Variants in ADAMTSL1 observed in about 807,000 individuals in gnomAD.
The protein encoded by ADAMTSL1 is ADAMTS like 1, also known as ADAMTS-like protein 1.
A neutral mutation model predicts 201.8 loss-of-function variants in ADAMTSL1; 126 were observed. The observed-to-expected ratio is 0.62, with a 90% CI of 0.54 to 0.72. The LOEUF (loss-of-function observed/expected upper bound fraction) is 0.72, where lower values mean the gene tolerates loss of function less well. ADAMTSL1 is among the 30% of genes least tolerant of loss of function. The pLI, the probability that ADAMTSL1 is intolerant of heterozygous loss-of-function variation, is 0.00. For missense variants in ADAMTSL1, 2,679 were observed against 2,277.8 expected (o/e 1.18, Z -3.59); for synonymous variants, 1,121 against 903.4 (o/e 1.24, Z -4.32).
intron 4 of ADAMTSL1, among the ~76,000 whole-genome samples, chr9:18,589,160 A>C (rs959446511): frequency 3.3e-5 from 5 of 151,936 alleles, no homozygotes; most frequent in African/African-American, 1.2e-4. Flanking sequence ...TACAGGCATG[A>C]GTTGCCACAC....
intron 2 of ADAMTSL1, among the ~76,000 whole-genome samples, chr9:18,264,936 G>C (rs538017566): frequency 2.0e-5 from 3 of 152,210 alleles, no homozygotes; most frequent in Admixed American, 6.5e-5. Context: ...CATAAATAAT[G>C]ATAGTATGTT....
intron 1 of ADAMTSL1, among the ~76,000 whole-genome samples, chr9:17,996,240 A>C (rs12006356): frequency 0.5 from 75,282 of 151,360 alleles, 21,546 homozygotes; most frequent in African/African-American, 0.8. Flanking sequence ...ACCTCCTGCC[A>C]CCAAGCCTTC....
At chr9:18,892,297 G>A in intron 25 of ADAMTSL1, 92 bp from the exon 26 acceptor site, 1 of 1,311,842 alleles carries the variant, frequency 7.6e-7, no homozygotes, top group Non-Finnish European at 1.0e-6. Flanking sequence ...CCCCAAATTA[G>A]TGGCAAGAGC....
intron 2 of ADAMTSL1, among the ~76,000 whole-genome samples, chr9:18,340,175 C>G (rs1297184153): frequency 6.6e-6 from 1 of 152,154 alleles, no homozygotes; most frequent in Non-Finnish European, 1.5e-5. Context: ...TAGCTTTATT[C>G]TGTCTGGTTG....
At chr9:18,162,505 A>G (rs1168154433) in intron 1 of ADAMTSL1, among the ~76,000 whole-genome samples, 6 of 152,010 alleles carry the variant, frequency 3.9e-5, no homozygotes, top group Non-Finnish European at 8.8e-5. Context: ...CATATTGACT[A>G]TTCTGTATAA....
At chr9:18,815,869 T>C (rs941149557) in intron 20 of ADAMTSL1, among the ~76,000 whole-genome samples, 5 of 152,166 alleles carry the variant, frequency 3.3e-5, no homozygotes, top group Non-Finnish European at 4.4e-5. Context: ...AATTTTTTCA[T>C]TGACACATAA....
chr9:18,814,013 G>C (rs1263141110), intron 20 of ADAMTSL1, among the ~76,000 whole-genome samples: 1 of 152,148 alleles, frequency 6.6e-6, no homozygotes, highest in Admixed American at 6.5e-5. Flanking sequence ...TTTTTATCAT[G>C]AATGGATGTT....
chr9:18,202,939 A>G (rs187684125), intron 2 of ADAMTSL1, among the ~76,000 whole-genome samples: 12 of 152,246 alleles, frequency 7.9e-5, no homozygotes, highest in Admixed American at 7.2e-4. Flanking sequence ...AGTTAGCTGT[A>G]ACCAGGGATG....
At chr9:18,613,817 A>G (rs1207670807) in intron 4 of ADAMTSL1, among the ~76,000 whole-genome samples, 1 of 152,128 alleles carries the variant, frequency 6.6e-6, no homozygotes, top group Non-Finnish European at 1.5e-5. Flanking sequence ...AATCTGTACA[A>G]TATAGCCCAC....
At position 18,504,941 on chromosome 9, in the gene ADAMTSL1, G is replaced by T; in HGVS notation, c.176G>T (p.Arg59Leu). The T allele has an allele frequency of 6.2e-7, 1 of 1,608,732 alleles. No homozygotes were observed. ...GGTGGGGCCTCCTACTCTCTGAGGC[G>T]CTGCCTGAGCAGCAAGTAAGTCCTG... ...CGGGASYSLR[R>L]CLSSKSCEGR... Residue 59 changes from arginine (R) to leucine (L), a missense_variant, in exon 2 of 29, where the codon CGC (arginine) becomes CTC (leucine). Coordinates refer to ENST00000380548, the MANE Select transcript of ADAMTSL1 (RefSeq NM_001040272.6).
chr9:18,109,824 G>A (rs17189807), intron 1 of ADAMTSL1, among the ~76,000 whole-genome samples: 8,854 of 152,224 alleles, frequency 0.058, 282 homozygotes, highest in Middle Eastern at 0.075. Context: ...ATCTATGTGG[G>A]AGTAACCTGT....
At chr9:18,580,683 G>A (rs748460427) in intron 4 of ADAMTSL1, among the ~76,000 whole-genome samples, 2 of 152,064 alleles carry the variant, frequency 1.3e-5, no homozygotes, top group East Asian at 3.9e-4. Flanking sequence ...CTTTCCATAG[G>A]AGTGATACAT....
intron 2 of ADAMTSL1, among the ~76,000 whole-genome samples, chr9:18,439,163 T>C (rs1450843227): frequency 2.6e-5 from 4 of 152,190 alleles, no homozygotes; most frequent in East Asian, 1.9e-4. Context: ...GTGTCCTGCA[T>C]TGGCAAATTC....
At chr9:18,396,653 C>T (rs1057179761) in intron 2 of ADAMTSL1, among the ~76,000 whole-genome samples, 1 of 150,894 alleles carries the variant, frequency 6.6e-6, no homozygotes, top group Non-Finnish European at 1.5e-5. Flanking sequence ...AAATAGAGTA[C>T]CAGCCTTTAT....
intron 2 of ADAMTSL1, among the ~76,000 whole-genome samples, chr9:18,381,096 G>A (rs1273817613): frequency 6.6e-6 from 1 of 152,180 alleles, no homozygotes; most frequent in Non-Finnish European, 1.5e-5. Context: ...AAAATGAAAT[G>A]CACTTGAATG....
At chr9:18,585,732 A>G (rs947527331) in intron 4 of ADAMTSL1, among the ~76,000 whole-genome samples, 3 of 151,924 alleles carry the variant, frequency 2.0e-5, no homozygotes, top group Admixed American at 6.5e-5. Context: ...CCAATTTAGC[A>G]TCACTTCAAA....
chr9:17,924,025 G>T (rs1419960715), intron 1 of ADAMTSL1, among the ~76,000 whole-genome samples: 1 of 136,508 alleles, frequency 7.3e-6, no homozygotes, highest in Admixed American at 7.5e-5. Context: ...GATTCGGTTT[G>T]CCAGTATTTT....
chr9:17,933,516 G>A (rs1345590825), intron 1 of ADAMTSL1, among the ~76,000 whole-genome samples: 1 of 152,108 alleles, frequency 6.6e-6, no homozygotes, highest in Non-Finnish European at 1.5e-5. Flanking sequence ...TCTTCATCTA[G>A]GCACTTGTAT....
chr9:18,823,913 C>T (rs954793160), intron 21 of ADAMTSL1, among the ~76,000 whole-genome samples: 1 of 152,004 alleles, frequency 6.6e-6, no homozygotes, highest in Non-Finnish European at 1.5e-5. Flanking sequence ...TCGCTGGAAC[C>T]CAGGAGGCAG....
Sources: allele counts gnomAD v4.1 joint callset (sites outside exome capture counted in the v4.1 genomes callset), GRCh38; gene constraint gnomAD v4.1.1; transcripts MANE v1.5; gene names NCBI Gene and HGNC (gene_info 2026-07-23, HGNC 2026-07-21).